The following FOXP1 variants were observed in gnomAD, a reference collection of about 807,000 sequenced individuals.
The protein encoded by FOXP1 is forkhead box protein P1.
FOXP1 carries 15 observed loss-of-function variants against 98.2 expected under a neutral mutation model. The ratio of observed to expected loss-of-function variants is 0.15; its 90% confidence interval spans 0.10 to 0.24. FOXP1 has a LOEUF of 0.24. Ranked by LOEUF, FOXP1 falls within the 10% of genes least tolerant of loss-of-function variation. The pLI is 1.00. For synonymous variants in FOXP1, 371 were observed against 314.5 expected, an observed-to-expected ratio of 1.18 and a Z score of -1.90; for missense variants, 633 against 848.5, an observed-to-expected ratio of 0.75 and a Z score of 3.15.
rs77072752 is a variant in FOXP1, at chr3:71,372,680, C to T, written c.-167-13436G>A. Among the ~76,000 whole-genome samples, 23 of 152,296 alleles carry T rather than the reference C, an allele frequency of 1.5e-4. No homozygotes were observed. In the East Asian group the frequency reaches 3.3e-3, roughly 22 times the overall value. On this transcript the variant is annotated intron_variant, in intron 3 of 20. Coordinates refer to ENST00000649528, the MANE Select transcript of FOXP1 (RefSeq NM_001349338.3). ...AGATATGCGTTGAATGGATGAATTA[C>T]TAAATCTAAATATACCATGCTATCC...
intron 3 of FOXP1, among the ~76,000 whole-genome samples, chr3:71,371,588 C>T (rs971901434): frequency 1.3e-5 from 2 of 152,176 alleles, no homozygotes; most frequent in African/African-American, 4.8e-5. Flanking sequence ...GAGCTTGTGA[C>T]CAGCCTGGGC....
At chr3:71,269,105 T>G (rs1175009348) in intron 5 of FOXP1, among the ~76,000 whole-genome samples, 3 of 150,900 alleles carry the variant, frequency 2.0e-5, no homozygotes, top group Non-Finnish European at 4.4e-5. Context: ...TTTGTTTTTT[T>G]TTTTTTTCAT....
intron 5 of FOXP1, among the ~76,000 whole-genome samples, chr3:71,212,993 A>T (rs2064614938): frequency 6.6e-6 from 1 of 151,714 alleles, no homozygotes; most frequent in Admixed American, 6.6e-5. Context: ...AAAAGAGAAA[A>T]ATGTAAGCCT....
At chr3:71,521,056 T>TC (rs1324407764) in intron 2 of FOXP1, among the ~76,000 whole-genome samples, 6 of 152,082 alleles carry the variant, frequency 3.9e-5, no homozygotes, top group African/African-American at 1.4e-4. Flanking sequence ...AAAGCCATGA[T>TC]CCATGAAGAT....
chr3:71,301,260 C>T (rs549479278), intron 4 of FOXP1, among the ~76,000 whole-genome samples: 3 of 152,272 alleles, frequency 2.0e-5, no homozygotes, highest in Admixed American at 6.5e-5. Context: ...AAATCGTGTG[C>T]TTTACTGCTG....
At chr3:71,085,642 C>T (rs903910106) in intron 7 of FOXP1, among the ~76,000 whole-genome samples, 3 of 150,888 alleles carry the variant, frequency 2.0e-5, no homozygotes, top group South Asian at 2.1e-4. Context: ...TAGCACCTTT[C>T]GTTAAGCGTA....
At chr3:71,004,081 C>A (rs1484440908) in intron 12 of FOXP1, among the ~76,000 whole-genome samples, 1 of 76,486 alleles carries the variant, frequency 1.3e-5, no homozygotes, top group African/African-American at 1.1e-4. Context: ...TTAAGTGGAA[C>A]CCTACATCCC....
chr3:71,348,106 A>G (rs2077488191), intron 4 of FOXP1, among the ~76,000 whole-genome samples: 1 of 152,174 alleles, frequency 6.6e-6, no homozygotes, highest in South Asian at 2.1e-4. Context: ...AATAGAAGTT[A>G]TGTGAATGTG....
intron 3 of FOXP1, among the ~76,000 whole-genome samples, chr3:71,380,372 C>T (rs1009717213): frequency 6.6e-6 from 1 of 152,160 alleles, no homozygotes; most frequent in African/African-American, 2.4e-5. Flanking sequence ...GGCAGTAGAT[C>T]CAAAACAACC....
chr3:71,116,874 G>A (rs2058411037), intron 6 of FOXP1, among the ~76,000 whole-genome samples: 1 of 152,138 alleles, frequency 6.6e-6, no homozygotes, highest in African/African-American at 2.4e-5. Flanking sequence ...TCTATGATTT[G>A]TAAAAAGTAA....
intron 7 of FOXP1, among the ~76,000 whole-genome samples, chr3:71,084,664 A>C (rs2107548930): frequency 1.3e-5 from 2 of 152,350 alleles, no homozygotes; most frequent in African/African-American, 4.8e-5. Context: ...ATTTTTCATG[A>C]ATAACCTGCC....
At position 71,312,314 on chromosome 3, in the gene FOXP1, T is replaced by C. The variant is rs747933285; in HGVS notation, c.-72-12434A>G. 3.3e-5 allele frequency among the ~76,000 whole-genome samples: 5 copies of C among 152,232 alleles called. No homozygotes were observed. The South Asian group carries it at 6.2e-4, about 19-fold the overall frequency. ...CTAGAGGAAGCTGTTGCTGAACTCA[T>C]CTCCTTTTCTATCATATAAGGCAGC... On this transcript the variant is annotated intron_variant, in intron 4 of 20. Transcript: ENST00000649528.
chr3:70,977,229 ATTGTT>A (rs1222085246), intron 16 of FOXP1, among the ~76,000 whole-genome samples, 187 bp from the exon 17 acceptor site: 1 of 152,160 alleles, frequency 6.6e-6, no homozygotes, highest in Non-Finnish European at 1.5e-5. Context: ...GAATTATCTA[ATTGTT>A]TTGAGTTTTT....
chr3:71,523,468 C>T (rs1401471966), intron 2 of FOXP1, among the ~76,000 whole-genome samples: 1 of 152,026 alleles, frequency 6.6e-6, no homozygotes, highest in Non-Finnish European at 1.5e-5. Flanking sequence ...ACAAATTGTA[C>T]GTATTTCAGA....
At chr3:71,372,159 T>A (rs139895876) in intron 3 of FOXP1, among the ~76,000 whole-genome samples, 1 of 150,126 alleles carries the variant, frequency 6.7e-6, no homozygotes, top group Non-Finnish European at 1.5e-5. Flanking sequence ...ATTACAAGCA[T>A]GCACCACCAT....
At chr3:71,205,117 A>C (rs1385374865) in intron 5 of FOXP1, among the ~76,000 whole-genome samples, 1 of 152,234 alleles carries the variant, frequency 6.6e-6, no homozygotes, top group African/African-American at 2.4e-5. Flanking sequence ...ACCCACAGTA[A>C]ATGGGAGGTA....
At chr3:71,011,605 C>T (rs1272386462) in intron 12 of FOXP1, among the ~76,000 whole-genome samples, 1 of 152,152 alleles carries the variant, frequency 6.6e-6, no homozygotes, top group Non-Finnish European at 1.5e-5. Flanking sequence ...TATCATCCCT[C>T]ATTTATTTAT....
At chr3:71,549,579 T>A (rs2045614295) in intron 2 of FOXP1, among the ~76,000 whole-genome samples, 1 of 152,198 alleles carries the variant, frequency 6.6e-6, no homozygotes, top group Non-Finnish European at 1.5e-5. Context: ...TTCACCATGT[T>A]GCACAGGCTG....
intron 1 of FOXP1, chr3:71,582,835 T>G (rs1036616723): frequency 4.0e-5 from 39 of 975,610 alleles, no homozygotes; most frequent in Non-Finnish European, 4.6e-5. Flanking sequence ...GCGGGAGAGC[T>G]TCCTCGCCGC....
Sources: allele counts gnomAD v4.1 joint callset (sites outside exome capture counted in the v4.1 genomes callset), GRCh38; gene constraint gnomAD v4.1.1; transcripts MANE v1.5; gene names NCBI Gene and HGNC (gene_info 2026-07-23, HGNC 2026-07-21).